NAALADL2: variants seen among roughly 807,000 people sequenced by gnomAD.
NAALADL2 encodes the protein inactive N-acetylated-alpha-linked acidic dipeptidase-like protein 2.
In NAALADL2, 76 loss-of-function variants were observed where a neutral mutation model predicts 87.2. The ratio of observed to expected loss-of-function variants is 0.87; its 90% CI spans 0.72 to 1.05. The LOEUF (loss-of-function observed/expected upper bound fraction) is 1.05. Ranked by LOEUF, NAALADL2 falls within the 50% of genes least tolerant of loss-of-function variation. NAALADL2 has a pLI of 0.00. For missense variants in NAALADL2, 1,089 were observed against 945.8 expected (o/e 1.15, Z -1.99); for synonymous variants, 354 against 331.0 (o/e 1.07, Z -0.75).
chr3:174,922,018 A>T (rs1735303719), intron 1 of NAALADL2, among the ~76,000 whole-genome samples: 1 of 152,036 alleles, frequency 6.6e-6, no homozygotes, highest in South Asian at 2.1e-4. Context: ...GTTTTATGTT[A>T]TTAATAATAT....
At chr3:174,836,778 T>TA (rs1723387947) in intron 3 of NAALADL2, among the ~76,000 whole-genome samples, 1 of 150,374 alleles carries the variant, frequency 6.7e-6, no homozygotes, top group Non-Finnish European at 1.5e-5. Context: ...TTACCACAAT[T>TA]AAAAATTATT....
At chr3:174,687,444 G>T (rs185084879) in intron 2 of NAALADL2, among the ~76,000 whole-genome samples, 1 of 151,858 alleles carries the variant, frequency 6.6e-6, no homozygotes, top group Non-Finnish European at 1.5e-5. Context: ...GTGTGTTTTG[G>T]CCTATTGGAT....
At chr3:174,928,061 G>A (rs923241838) in intron 1 of NAALADL2, among the ~76,000 whole-genome samples, 2 of 152,018 alleles carry the variant, frequency 1.3e-5, no homozygotes, top group African/African-American at 4.8e-5. Flanking sequence ...AAAAGTGAAT[G>A]TAAATGCAAA....
At chr3:175,371,587 G>A (rs2148951472) in intron 5 of NAALADL2, among the ~76,000 whole-genome samples, 1 of 152,192 alleles carries the variant, frequency 6.6e-6, no homozygotes, top group African/African-American at 2.4e-5. Flanking sequence ...CTCTTTGGGA[G>A]GCCAAGGCGG....
At chr3:174,818,650 C>T (rs1017373866) in intron 3 of NAALADL2, among the ~76,000 whole-genome samples, 2 of 152,114 alleles carry the variant, frequency 1.3e-5, no homozygotes, top group Non-Finnish European at 2.9e-5. Flanking sequence ...CCCTAAGAAG[C>T]CCTGGTGAGA....
intron 3 of NAALADL2, among the ~76,000 whole-genome samples, chr3:174,753,918 T>C (rs1711603908): frequency 6.6e-6 from 1 of 152,162 alleles, no homozygotes. Flanking sequence ...GAGCTCTCTT[T>C]CTCTTCTTGA....
chr3:175,324,692 G>A lies in NAALADL2; in HGVS notation c.1090+367G>A, dbSNP rs116185209. Among the ~76,000 whole-genome samples, 464 of 152,236 alleles carry A rather than the reference G, an allele frequency of 3.0e-3. 3 individuals are homozygous for A. The highest frequency in any genetic ancestry group is 0.011 in the African/African-American group (453 of 41,550). Reference sequence around the variant, plus strand: ...AGGAGCATGAAATGTCTGCTGCTTTGGGGCAGCTGTAATAACTTTAAGTCC... The same window carrying A: ...AGGAGCATGAAATGTCTGCTGCTTTAGGGCAGCTGTAATAACTTTAAGTCC... On this transcript the variant is annotated intron_variant, in intron 5 of 13. Coordinates refer to ENST00000454872, the MANE Select transcript of NAALADL2 (RefSeq NM_207015.3).
intron 1 of NAALADL2, among the ~76,000 whole-genome samples, chr3:174,892,921 C>CAAA (rs35081771): frequency 0.026 from 2,767 of 108,458 alleles, 107 homozygotes; most frequent in African/African-American, 0.088. Flanking sequence ...GACTCCAACT[C>CAAA]AAAAAAAAAA....
chr3:175,266,974 T>C (rs1007861449), intron 4 of NAALADL2, among the ~76,000 whole-genome samples: 13 of 151,878 alleles, frequency 8.6e-5, no homozygotes, highest in African/African-American at 2.9e-4. Flanking sequence ...TATCAAACCT[T>C]ATGATTGGTT....
intron 9 of NAALADL2, among the ~76,000 whole-genome samples, chr3:175,563,673 C>A (rs1716648968): frequency 6.6e-6 from 1 of 152,132 alleles, no homozygotes; most frequent in East Asian, 1.9e-4. Flanking sequence ...AAAAGAAATT[C>A]TCTGCCTTCA....
intron 11 of NAALADL2, among the ~76,000 whole-genome samples, chr3:175,649,281 T>C (rs574963616): frequency 6.6e-6 from 1 of 152,158 alleles, no homozygotes; most frequent in South Asian, 2.1e-4. Flanking sequence ...TAAAATAGTC[T>C]CACATTTCAG....
At chr3:174,750,459 C>A (rs965926113) in intron 3 of NAALADL2, among the ~76,000 whole-genome samples, 44 of 132 alleles carry the variant, frequency 0.33, no homozygotes, top group African/African-American at 0.49. Context: ...AGACAGACTT[C>A]TGCTGCTGTT....
intron 9 of NAALADL2, among the ~76,000 whole-genome samples, chr3:175,483,831 G>A (rs1274230897): frequency 6.6e-6 from 1 of 152,086 alleles, no homozygotes; most frequent in Non-Finnish European, 1.5e-5. Flanking sequence ...GTAATTGCTG[G>A]TTTTGCCATT....
chr3:174,445,318 A>G (rs2108261661), intron 1 of NAALADL2, among the ~76,000 whole-genome samples: 1 of 152,252 alleles, frequency 6.6e-6, no homozygotes, highest in East Asian at 1.9e-4. Flanking sequence ...GAACCCCAGT[A>G]TATTCAGGAG....
chr3:175,230,222 G>GA (rs1258078141), intron 2 of NAALADL2, among the ~76,000 whole-genome samples: 2 of 151,400 alleles, frequency 1.3e-5, no homozygotes, highest in African/African-American at 4.8e-5. Context: ...AATTTTTTAG[G>GA]AAAAAAAATG....
rs374548827 is a variant in NAALADL2 at position 174,733,568 on chromosome 3, G to GT, written c.-114-4073_-114-4072insT. ...ATTTCTTGTGATTTGTAGCTTGAAG[G>GT]CTTGAGCTTCTTTGTGAACATGTCT... is the stretch of plus-strand genomic sequence containing the variant. On this transcript the variant is annotated intron_variant, in intron 2 of 3. Coordinates refer to the NAALADL2 transcript ENST00000434257. Among the ~76,000 whole-genome samples, 572 of 152,326 alleles carry GT rather than the reference G, an allele frequency of 3.8e-3. 4 individuals are homozygous for GT. The highest frequency in any genetic ancestry group is 0.013 in the African/African-American group (549 of 41,584).
intron 1 of NAALADL2, among the ~76,000 whole-genome samples, chr3:175,022,350 G>A: frequency 6.6e-6 from 1 of 151,968 alleles, no homozygotes; most frequent in Non-Finnish European, 1.5e-5. Context: ...TGTTCTAATA[G>A]AGAAATTTCA....
Position 175,720,847 on chromosome 3 carries a change from T to G in NAALADL2, c.1897-16459T>G, listed in dbSNP as rs9876428. On this transcript the variant is annotated intron_variant, in intron 11 of 13. Transcript: ENST00000454872. ...GTATCATTCAAAAGTGAGAAAGAAA[T>G]AAAGATATTTTAGAAAAAGGCTGAG... 4.0e-3 allele frequency among the ~76,000 whole-genome samples: 612 copies of G among 152,070 alleles called. 6 individuals carry two copies. The highest frequency in any genetic ancestry group is 0.014 in the African/African-American group (582 of 41,502).
intron 11 of NAALADL2, among the ~76,000 whole-genome samples, chr3:175,637,605 G>C (rs1393194139): frequency 6.6e-6 from 1 of 152,070 alleles, no homozygotes; most frequent in Non-Finnish European, 1.5e-5. Flanking sequence ...TCTCTTGCTT[G>C]CTCTCACCAT....
Sources: allele counts gnomAD v4.1 joint callset (sites outside exome capture counted in the v4.1 genomes callset), GRCh38; gene constraint gnomAD v4.1.1; transcripts MANE v1.5; gene names NCBI Gene and HGNC (gene_info 2026-07-23, HGNC 2026-07-21).